SMYD2: variants seen among roughly 807,000 people sequenced by gnomAD.
SMYD2 encodes the protein N-lysine methyltransferase SMYD2.
A neutral mutation model predicts 59.1 loss-of-function variants in SMYD2; 53 were observed. The observed-to-expected ratio is 0.90, with a 90% CI of 0.72 to 1.13. The LOEUF (loss-of-function observed/expected upper bound fraction) is 1.13, where lower values mean the gene tolerates loss of function less well. Among genes scored for constraint, SMYD2 ranks in the 50% most tolerant of loss-of-function variants. The pLI is 0.00. For synonymous variants in SMYD2, 208 were observed against 198.8 expected (o/e 1.05, Z -0.39); for missense variants, 494 against 544.7 (o/e 0.91, Z 0.93).
At chr1:214,321,449 A>G (rs1657171244) in intron 5 of SMYD2, among the ~76,000 whole-genome samples, 1 of 152,228 alleles carries the variant, frequency 6.6e-6, no homozygotes, top group Non-Finnish European at 1.5e-5. Flanking sequence ...GACATTTACT[A>G]TCCCCAAAGA....
At chr1:214,296,189 C>T (rs979096300) in intron 1 of SMYD2, among the ~76,000 whole-genome samples, 2 of 152,252 alleles carry the variant, frequency 1.3e-5, no homozygotes, top group South Asian at 2.1e-4. Flanking sequence ...GCACCTGCGG[C>T]AACGCATTAA....
At chr1:214,313,708 T>G (rs1657036052) in intron 2 of SMYD2, among the ~76,000 whole-genome samples, 1 of 152,080 alleles carries the variant, frequency 6.6e-6, no homozygotes, top group African/African-American at 2.4e-5. Flanking sequence ...AGCACTGGCA[T>G]CATCATTTAC....
At chr1:214,299,482 T>TATATATATATATAC (rs751839365) in intron 1 of SMYD2, among the ~76,000 whole-genome samples, 10 of 45,918 alleles carry the variant, frequency 2.2e-4, no homozygotes, top group South Asian at 1.8e-3. Context: ...TATATATATA[T>TATATATATATATAC]ACACCATAGA....
At chr1:214,317,868 T>C (rs1340194654) in intron 3 of SMYD2, among the ~76,000 whole-genome samples, 2 of 152,154 alleles carry the variant, frequency 1.3e-5, no homozygotes, top group African/African-American at 4.8e-5. Flanking sequence ...ATCAGGGTGT[T>C]AGGTACACGG....
rs774103669 is a variant in SMYD2 at position 214,334,323 on chromosome 1, C to A, written c.1221+15C>A. 2 of 1,610,256 alleles carry A rather than the reference C, an allele frequency of 1.2e-6. No homozygotes were observed. The highest frequency in any genetic ancestry group is 1.7e-5 in the Admixed American group (1 of 60,016). ...CCCTGAAGAAGGTATGTCTGTAACTCGGCCTTAGGATTCCCAGTGGCCAGA... is the reference window on the plus strand; with the variant it reads ...CCCTGAAGAAGGTATGTCTGTAACTAGGCCTTAGGATTCCCAGTGGCCAGA... On this transcript the variant is annotated intron_variant, in intron 11 of 11. Transcript: ENST00000366957.
chr1:214,286,725 G>A (rs1047031866), intron 1 of SMYD2, among the ~76,000 whole-genome samples: 2 of 122,644 alleles, frequency 1.6e-5, no homozygotes, highest in African/African-American at 6.8e-5. Flanking sequence ...CTGAGATCAC[G>A]CCACTGCACT....
chr1:214,324,263 A>C (rs1407809182), intron 5 of SMYD2, among the ~76,000 whole-genome samples: 1 of 152,186 alleles, frequency 6.6e-6, no homozygotes, highest in African/African-American at 2.4e-5. Context: ...TTAAAGACAC[A>C]GTGATTCAGT....
intron 1 of SMYD2, among the ~76,000 whole-genome samples, chr1:214,293,504 A>G (rs1047347100): frequency 6.6e-6 from 1 of 152,226 alleles, no homozygotes; most frequent in Non-Finnish European, 1.5e-5. Context: ...TCAGAGATGA[A>G]TAAGACAACA....
At position 214,312,978 on chromosome 1, in the gene SMYD2, G is replaced by A. The variant is rs1657021968; in HGVS notation, c.238-1784G>A. Among the ~76,000 whole-genome samples the A allele has an allele frequency of 6.6e-6, 1 of 152,190 alleles. No individual in the cohort carries two copies. The highest frequency in any genetic ancestry group is 2.1e-4 in the South Asian group (1 of 4,832). ...GGACATTAGTCATGAGAGATGTTGG[G>A]GCTGCAGCCGGGTAGAAAGGTTGTG... On this transcript the variant is annotated intron_variant, in intron 2 of 11. Transcript: ENST00000366957. This position sits in a 1 kb window ranked among gnomAD's most constrained non-coding sequence, Gnocchi z 4.1.
rs532553228 is a variant in SMYD2, at chr1:214,334,363, C to T, written c.1221+55C>T. The T allele has an allele frequency of 1.8e-4, 268 of 1,467,192 alleles. 1 individual carries two copies. In the African/African-American group the frequency reaches 3.3e-3, roughly 18 times the overall value. 90.9% of individuals were successfully genotyped at this position (1,467,192 alleles called of 1,614,324 possible). Reference sequence around the variant, plus strand: ...CAGTGGCCAGATGGCCTCCTTAGCGCACCTCCTTCATGCCTCACCAGGCTG... The same window carrying T: ...CAGTGGCCAGATGGCCTCCTTAGCGTACCTCCTTCATGCCTCACCAGGCTG... On this transcript the variant is annotated intron_variant, in intron 11 of 11. Coordinates refer to ENST00000366957, the MANE Select transcript of SMYD2 (RefSeq NM_020197.3).
intron 1 of SMYD2, among the ~76,000 whole-genome samples, chr1:214,292,656 C>A (rs1198697415): frequency 6.6e-6 from 1 of 152,164 alleles, no homozygotes. Flanking sequence ...TAATATGCAA[C>A]TGTTCATTCT....
chr1:214,303,248 G>A (rs1369388922), intron 1 of SMYD2, among the ~76,000 whole-genome samples: 1 of 152,180 alleles, frequency 6.6e-6, no homozygotes, highest in Non-Finnish European at 1.5e-5. Flanking sequence ...TCTGTGGAAA[G>A]AAGTTTGCAA....
At chr1:214,295,290 A>G (rs1178689302) in intron 1 of SMYD2, among the ~76,000 whole-genome samples, 1 of 152,234 alleles carries the variant, frequency 6.6e-6, no homozygotes, top group Non-Finnish European at 1.5e-5. Context: ...TGCAGGGCCT[A>G]CAAGAGGAGC....
intron 1 of SMYD2, among the ~76,000 whole-genome samples, chr1:214,282,600 C>G (rs1190274740): frequency 6.6e-6 from 1 of 152,166 alleles, no homozygotes; most frequent in Non-Finnish European, 1.5e-5. Flanking sequence ...CTCAATCTCT[C>G]AGACCTGTGT....
chr1:214,286,199 GC>G, intron 1 of SMYD2, among the ~76,000 whole-genome samples: 1 of 152,174 alleles, frequency 6.6e-6, no homozygotes, highest in East Asian at 1.9e-4. Flanking sequence ...GCGTACTAAT[GC>G]CAGTGCCGTT....
intron 2 of SMYD2, among the ~76,000 whole-genome samples, chr1:214,310,817 G>A (rs529338037): frequency 1.3e-5 from 2 of 152,160 alleles, no homozygotes; most frequent in Admixed American, 6.5e-5. Context: ...CCGCTGTCAG[G>A]TTCTTTAAAA....
chr1:214,287,483 AGGCT>A (rs1656568762), intron 1 of SMYD2, among the ~76,000 whole-genome samples: 1 of 148,392 alleles, frequency 6.7e-6, no homozygotes, highest in African/African-American at 2.5e-5. Context: ...GCTACTTGGG[AGGCT>A]GAGGCAGGAG....
rs775242243 is a variant in SMYD2, at chr1:214,334,218, C to T, written c.1131C>T (p.Tyr377=). 4 of 1,613,946 alleles carry T rather than the reference C, an allele frequency of 2.5e-6. No individual in the cohort carries two copies. Among genetic ancestry groups the T allele is most frequent in the East Asian group, 4.5e-5 (2 of 44,862 alleles). The change falls in exon 11 of 12, where the codon TAC becomes TAT. Residue 377 remains tyrosine, a synonymous_variant. Transcript: ENST00000366957. ...GTTCTAGTAAGCACTATCCTTTGTA[C>T]TCCCTCAACGTGGCCTCCATGTGGT... The part of the protein sequence containing the change: ...IKPYSKHYPL[Y]SLNVASMWLK...
At chr1:214,294,694 A>T (rs1181443114) in intron 1 of SMYD2, among the ~76,000 whole-genome samples, 6 of 152,094 alleles carry the variant, frequency 3.9e-5, no homozygotes. Context: ...AAAAACACAC[A>T]TTTTCCTGTA....
Sources: allele counts gnomAD v4.1 joint callset (sites outside exome capture counted in the v4.1 genomes callset), GRCh38; gene constraint gnomAD v4.1.1; non-coding constraint Gnocchi (gnomAD v3.1); transcripts MANE v1.5; gene names NCBI Gene and HGNC (gene_info 2026-07-23, HGNC 2026-07-21).